The following PDGFRL variants were observed in gnomAD, a reference collection of about 807,000 sequenced individuals.
PDGFRL encodes the protein platelet derived growth factor receptor like, also known as platelet-derived growth factor receptor-like protein.
A neutral mutation model predicts 37.2 loss-of-function variants in PDGFRL; 46 were observed. The ratio of observed to expected loss-of-function variants is 1.24; its 90% CI spans 0.98 to 1.58. The LOEUF is 1.58. Among genes scored for constraint, PDGFRL ranks in the 40% most tolerant of loss-of-function variants. The pLI, the probability that PDGFRL is intolerant of heterozygous loss-of-function variation, is 0.00. For synonymous variants in PDGFRL, 251 were observed against 184.3 expected, an observed-to-expected ratio of 1.36 and a Z score of -2.93; for missense variants, 692 against 467.6, an observed-to-expected ratio of 1.48 and a Z score of -4.43.
chr8:17,634,129 T>C lies in PDGFRL; in HGVS notation c.855T>C (p.Ser285=). 1.2e-6 allele frequency: 2 copies of C among 1,613,628 alleles called. No homozygotes were observed. Among genetic ancestry groups the C allele is most frequent in the Non-Finnish European group, 1.7e-6 (2 of 1,179,526 alleles). Residue 285 remains serine, a synonymous_variant, in exon 5 of 6, where the codon AGT becomes AGC. Coordinates refer to ENST00000251630, the MANE Select transcript of PDGFRL (RefSeq NM_001372073.1). The part of the protein sequence containing the change: ...TILASSNKVK[S]GDDISVLCTV... ...TGGCTTCTTCAAACAAAGTGAAAAG[T>C]GGGGACGACATCAGTGTGCTCTGCA...
chr8:17,596,372 C>G, intron 2 of PDGFRL: 2 of 1,203,122 alleles, frequency 1.7e-6, no homozygotes, highest in Non-Finnish European at 2.1e-6. Flanking sequence ...AGGACCGGCC[C>G]TGCCTCCAAT....
At chr8:17,599,749 T>C (rs57644423) in intron 2 of PDGFRL, among the ~76,000 whole-genome samples, 36,703 of 151,890 alleles carry the variant, frequency 0.24, 4,677 homozygotes, top group African/African-American at 0.32. Context: ...AATGAAATTA[T>C]CCCCTAACTT....
At chr8:17,598,800 T>C (rs1320360974) in intron 2 of PDGFRL, among the ~76,000 whole-genome samples, 1 of 152,124 alleles carries the variant, frequency 6.6e-6, no homozygotes, top group Admixed American at 6.5e-5. Flanking sequence ...TCCCCCATAC[T>C]GTTCTCATGG....
intron 1 of PDGFRL, among the ~76,000 whole-genome samples, chr8:17,579,953 T>C (rs1585293899): frequency 6.6e-6 from 1 of 152,180 alleles, no homozygotes; most frequent in African/African-American, 2.4e-5. Context: ...ATGGAATACA[T>C]GCCACCGAGT....
chr8:17,596,387 C>A (rs1461852319), intron 2 of PDGFRL: 14 of 1,074,410 alleles, frequency 1.3e-5, no homozygotes, highest in East Asian at 3.0e-5. Flanking sequence ...TCCAATACCA[C>A]GTACATTTTA....
At chr8:17,616,521 A>C (rs1315895518) in intron 2 of PDGFRL, among the ~76,000 whole-genome samples, 1 of 152,084 alleles carries the variant, frequency 6.6e-6, no homozygotes, top group Admixed American at 6.6e-5. Context: ...GCCTTTCACC[A>C]CAGTCTTCAG....
At chr8:17,578,933 CT>C (rs1249721063) in intron 1 of PDGFRL, among the ~76,000 whole-genome samples, 3 of 152,220 alleles carry the variant, frequency 2.0e-5, no homozygotes, top group Non-Finnish European at 2.9e-5. Flanking sequence ...GGCACAGTGG[CT>C]CATGCCTGTA....
chr8:17,608,027 C>T (rs1015145732), intron 2 of PDGFRL, among the ~76,000 whole-genome samples: 4 of 152,202 alleles, frequency 2.6e-5, no homozygotes, highest in Non-Finnish European at 4.4e-5. Flanking sequence ...CCTGGGGAGT[C>T]CGCCCAGAAC....
intron 3 of PDGFRL, among the ~76,000 whole-genome samples, chr8:17,623,747 A>T (rs931295532): frequency 6.6e-6 from 1 of 151,998 alleles, no homozygotes; most frequent in African/African-American, 2.4e-5. Flanking sequence ...GGTGGTGCAC[A>T]GTTGTGCTCC....
chr8:17,585,909 A>G (rs1442061446), intron 1 of PDGFRL, among the ~76,000 whole-genome samples: 1 of 151,878 alleles, frequency 6.6e-6, no homozygotes, highest in African/African-American at 2.4e-5. Flanking sequence ...GCTTTGTAAC[A>G]TTTGTTTATT....
At chr8:17,640,733 A>G (rs1214720285) in intron 5 of PDGFRL, among the ~76,000 whole-genome samples, 1 of 151,994 alleles carries the variant, frequency 6.6e-6, no homozygotes, top group Non-Finnish European at 1.5e-5. Flanking sequence ...CGTTTATTGC[A>G]CTAGTTTTGT....
intron 2 of PDGFRL, among the ~76,000 whole-genome samples, chr8:17,611,829 G>A (rs1040116581): frequency 6.6e-5 from 10 of 152,222 alleles, no homozygotes; most frequent in African/African-American, 2.4e-4. Flanking sequence ...CATTTCTCCA[G>A]AAAGACTGAT....
chr8:17,597,863 A>G (rs1463478714), intron 2 of PDGFRL, among the ~76,000 whole-genome samples: 3 of 152,290 alleles, frequency 2.0e-5, no homozygotes, highest in African/African-American at 7.2e-5. Flanking sequence ...GTTTAAAGCA[A>G]TATTTCAGTA....
At chr8:17,577,089 A>AAAAAAAAAAAT, upstream of PDGFRL, 1 of 887,612 alleles carries the variant, frequency 1.1e-6, no homozygotes, top group Non-Finnish European at 1.6e-6. Flanking sequence ...AACTAAAAAA[A>AAAAAAAAAAAT]AAAAAAATTC....
intron 1 of PDGFRL, among the ~76,000 whole-genome samples, chr8:17,578,698 G>C (rs1177680313): frequency 2.0e-5 from 3 of 152,174 alleles, no homozygotes; most frequent in Non-Finnish European, 4.4e-5. Flanking sequence ...TAGAGGCTCA[G>C]AAATTGACTT....
At chr8:17,608,802 G>A (rs1804341633) in intron 2 of PDGFRL, among the ~76,000 whole-genome samples, 1 of 152,204 alleles carries the variant, frequency 6.6e-6, no homozygotes, top group South Asian at 2.1e-4. Flanking sequence ...TGGAGCGGCT[G>A]ATAGGAAGGA....
intron 5 of PDGFRL, among the ~76,000 whole-genome samples, chr8:17,638,345 G>T (rs913758207): frequency 2.6e-5 from 4 of 152,010 alleles, no homozygotes; most frequent in African/African-American, 7.2e-5. Context: ...CCATGTGTTT[G>T]TATGTTTTGA....
chr8:17,590,963 A>G (rs1265090564), intron 2 of PDGFRL, among the ~76,000 whole-genome samples: 1 of 150,624 alleles, frequency 6.6e-6, no homozygotes, highest in Non-Finnish European at 1.5e-5. Flanking sequence ...GCTCACTACA[A>G]GCTCCGCCTC....
intron 2 of PDGFRL, among the ~76,000 whole-genome samples, chr8:17,609,650 A>AAAT (rs1804363797): frequency 7.0e-6 from 1 of 143,852 alleles, no homozygotes; most frequent in Non-Finnish European, 1.5e-5. Flanking sequence ...AAAAAAAAAA[A>AAAT]AAAAAAAAAA....
Sources: allele counts gnomAD v4.1 joint callset (sites outside exome capture counted in the v4.1 genomes callset), GRCh38; gene constraint gnomAD v4.1.1; transcripts MANE v1.5; gene names NCBI Gene and HGNC (gene_info 2026-07-23, HGNC 2026-07-21).